Variants in MRC1 observed in about 807,000 individuals in gnomAD.
MRC1 encodes the protein mannose receptor C-type 1, also known as macrophage mannose receptor 1.
A neutral mutation model predicts 102.9 loss-of-function variants in MRC1; 62 were observed. The observed-to-expected ratio is 0.60, with a 90% CI of 0.49 to 0.74. MRC1 has a LOEUF of 0.74. MRC1 is among the 30% of genes least tolerant of loss of function. MRC1 has a pLI of 0.00. For missense variants in MRC1, 1,237 were observed against 862.8 expected, an observed-to-expected ratio of 1.43 and a Z score of -5.43; for synonymous variants, 457 against 298.4, an observed-to-expected ratio of 1.53 and a Z score of -5.48.
At chr10:17,903,135 T>G (rs1833850868) in intron 26 of MRC1, among the ~76,000 whole-genome samples, 1 of 152,126 alleles carries the variant, frequency 6.6e-6, no homozygotes, top group East Asian at 1.9e-4. Flanking sequence ...CTCAAGCGTC[T>G]TTTTTAGACA....
rs945964538 is a variant in MRC1 at position 17,841,526 on chromosome 10, A to G, written c.916+720A>G. 9.3e-3 allele frequency among the ~76,000 whole-genome samples: 1,419 copies of G among 152,318 alleles called. 7 individuals are homozygous for G. Among genetic ancestry groups the G allele is most frequent in the Admixed American group, 0.016 (238 of 15,300 alleles). ...AACAGCTTTCTAATTTTTTTAGAGG[A>G]TAGAAAATGCTGTGAACTAATTATT... On this transcript the variant is annotated intron_variant, in intron 5 of 29. Coordinates refer to ENST00000569591, the MANE Select transcript of MRC1 (RefSeq NM_002438.4).
chr10:17,910,163 G>A, intron 29 of MRC1, 52 bp from the exon 30 acceptor site: 1 of 779,588 alleles, frequency 1.3e-6, no homozygotes. Flanking sequence ...TGCATAGCAT[G>A]CAACCCTCTG....
At chr10:17,827,404 A>AAAAAAAAAAAAAAAC (rs1838496419) in intron 2 of MRC1, 138 bp from the exon 3 acceptor site, 1 of 294,100 alleles carries the variant, frequency 3.4e-6, no homozygotes, top group African/African-American at 3.0e-5. Flanking sequence ...AAAAAAAAAA[A>AAAAAAAAAAAAAAAC]AAAAAAGAAA....
At chr10:17,858,339 C>A (rs1833125843) in intron 9 of MRC1, among the ~76,000 whole-genome samples, 1 of 152,112 alleles carries the variant, frequency 6.6e-6, no homozygotes, top group African/African-American at 2.4e-5. Flanking sequence ...GCTGGTGGTT[C>A]TCTCTGATTG....
rs1396307845 is a variant in MRC1 at position 17,898,044 on chromosome 10, G to A, written c.3261G>A (p.Leu1087=). ...AATGTTTTTATCTAGACCCTTCCTTGACTAATCCTCCAGCAACGATTCAAA... is the reference window on the plus strand; with the variant it reads ...AATGTTTTTATCTAGACCCTTCCTTAACTAATCCTCCAGCAACGATTCAAA... ...YICQTRSDPS[L]TNPPATIQTD... is the part of the protein sequence containing the mutation. Residue 1087 remains leucine, a synonymous_variant, in exon 24 of 30, where the codon TTG becomes TTA. Coordinates refer to ENST00000569591, the MANE Select transcript of MRC1 (RefSeq NM_002438.4). The A allele has an allele frequency of 1.3e-6, 1 of 780,742 alleles. No homozygotes were observed. The highest frequency in any genetic ancestry group is 1.3e-5 in the South Asian group (1 of 74,602). 48.4% of individuals were successfully genotyped at this position (780,742 alleles called of 1,614,324 possible). A position where few individuals can be genotyped will look rare whatever the true frequency, so the allele number is the denominator to read the frequency against.
chr10:17,867,516 G>C (rs1833293727), intron 12 of MRC1, among the ~76,000 whole-genome samples: 1 of 151,698 alleles, frequency 6.6e-6, no homozygotes, highest in Non-Finnish European at 1.5e-5. Context: ...TCAAACATCT[G>C]GGCTCAAGTG....
chr10:17,815,809 C>A (rs979334666), intron 1 of MRC1, among the ~76,000 whole-genome samples: 2 of 149,340 alleles, frequency 1.3e-5, no homozygotes, highest in African/African-American at 5.0e-5. Flanking sequence ...TTCTTTTGTT[C>A]AACATTTCAT....
At chr10:17,873,355 G>A (rs1478872886) in intron 15 of MRC1, among the ~76,000 whole-genome samples, 2 of 152,156 alleles carry the variant, frequency 1.3e-5, no homozygotes, top group African/African-American at 4.8e-5. Flanking sequence ...ATGAACAGCT[G>A]TTAAACACCT....
At chr10:17,883,982 G>A (rs1354365697) in intron 21 of MRC1, among the ~76,000 whole-genome samples, 1 of 152,160 alleles carries the variant, frequency 6.6e-6, no homozygotes, top group Non-Finnish European at 1.5e-5. Context: ...ATTGATTTGT[G>A]TAGAGATGGG....
At chr10:17,845,575 A>G in intron 6 of MRC1, 140 bp downstream of exon 6, 3 of 714,874 alleles carry the variant, frequency 4.2e-6, no homozygotes, top group South Asian at 3.3e-5. Flanking sequence ...TATTACTGCA[A>G]TATTTCTGTG....
Position 17,833,520 on chromosome 10 carries a change from C to CAAAAA in MRC1, c.638-142_638-138dup, listed in dbSNP as rs34179956. Among the ~76,000 whole-genome samples, 8 of 106,540 alleles carry CAAAAA rather than the reference C, an allele frequency of 7.5e-5. 1 individual carries two copies. The highest frequency in any genetic ancestry group is 6.6e-4 in the South Asian group (2 of 3,020). The allele number at this position is 106,540 out of a possible 152,430, so 69.9% of individuals were successfully genotyped here. A position where few individuals can be genotyped will look rare whatever the true frequency, so the allele number is the denominator to read the frequency against. On this transcript the variant is annotated intron_variant, in intron 3 of 29. Transcript: ENST00000569591. Reference sequence around the variant, plus strand: ...TGGGCAACAGAGCAAGACTCTGTCTCAAAAAAAAAAAAAAAAAGTAGAAAG... The same window carrying CAAAAA: ...TGGGCAACAGAGCAAGACTCTGTCTCAAAAAAAAAAAAAAAAAAAAAAGTAGAAAG...
At chr10:17,846,642 A>G (rs1838829830) in intron 6 of MRC1, among the ~76,000 whole-genome samples, 2 of 152,182 alleles carry the variant, frequency 1.3e-5, no homozygotes, top group Non-Finnish European at 2.9e-5. Flanking sequence ...ATAAACAAAT[A>G]TATTTATAAT....
intron 22 of MRC1, among the ~76,000 whole-genome samples, chr10:17,890,788 G>A (rs1337421487): frequency 2.0e-5 from 3 of 152,172 alleles, no homozygotes; most frequent in African/African-American, 7.2e-5. Flanking sequence ...GGCCACAGAT[G>A]GGTACCAATC....
intron 8 of MRC1, among the ~76,000 whole-genome samples, chr10:17,854,378 T>A (rs1298767323): frequency 6.6e-6 from 1 of 152,256 alleles, no homozygotes; most frequent in Non-Finnish European, 1.5e-5. Flanking sequence ...TCATTGTGGT[T>A]GTTTTTATTG....
intron 1 of MRC1, among the ~76,000 whole-genome samples, chr10:17,811,520 C>CA (rs1178916478): frequency 1.1e-4 from 17 of 151,820 alleles, no homozygotes; most frequent in Non-Finnish European, 1.9e-4. Context: ...TTCAAGGGAC[C>CA]CCCCTTCCAG....
At chr10:17,837,601 T>A (rs1288509970) in intron 4 of MRC1, among the ~76,000 whole-genome samples, 1 of 150,454 alleles carries the variant, frequency 6.6e-6, no homozygotes, top group African/African-American at 2.4e-5. Context: ...GTCTGTATCT[T>A]TTTATTTTAT....
At chr10:17,818,983 T>C (rs1838353343) in intron 1 of MRC1, among the ~76,000 whole-genome samples, 1 of 152,074 alleles carries the variant, frequency 6.6e-6, no homozygotes, top group Non-Finnish European at 1.5e-5. Flanking sequence ...TAAACAATGA[T>C]ATAGGGGCTG....
intron 22 of MRC1, among the ~76,000 whole-genome samples, chr10:17,887,934 C>G (rs1833623384): frequency 6.6e-6 from 1 of 152,116 alleles, no homozygotes; most frequent in African/African-American, 2.4e-5. Flanking sequence ...TCATAAATAG[C>G]TGGGATTACA....
chr10:17,910,720 C>T lies in MRC1; in HGVS notation c.*255C>T. ...AATGCACAGCACCACAGCACCACAT[C>T]TAAGCATTAGTGATGGGTAGCTGAT... On this transcript the variant is annotated 3_prime_UTR_variant, in exon 30 of 30. Coordinates refer to ENST00000569591, the MANE Select transcript of MRC1 (RefSeq NM_002438.4). 2.0e-6 allele frequency: 1 copy of T among 510,328 alleles called. No homozygotes were observed. The highest frequency in any genetic ancestry group is 3.5e-6 in the Non-Finnish European group (1 of 284,130). The allele number at this position is 510,328 out of a possible 1,614,324, so 31.6% of individuals were successfully genotyped here.
Sources: gnomAD v4.1 joint callset for allele counts (sites outside exome capture counted in the v4.1 genomes callset) on GRCh38, gnomAD v4.1.1 for gene constraint, MANE v1.5 for transcripts, NCBI Gene and HGNC (gene_info 2026-07-23, HGNC 2026-07-21) for gene names.